Variants in SLF1 observed in about 807,000 individuals in gnomAD.
SLF1 encodes the protein SMC5-SMC6 complex localization factor protein 1.
A neutral mutation model predicts 123.0 loss-of-function variants in SLF1; 105 were observed. That is an observed-to-expected ratio of 0.85 (90% CI 0.73 to 1.00). SLF1 has a LOEUF of 1.00. Among genes scored for constraint, SLF1 ranks in the 50% least tolerant of loss-of-function variants. The probability of loss-of-function intolerance (pLI) is 0.00; values close to 1 mark genes in which losing one functional copy is unlikely to be tolerated. For synonymous variants in SLF1, 434 were observed against 406.6 expected (o/e 1.07, Z -0.81); for missense variants, 1,239 against 1,223.0 (o/e 1.01, Z -0.20).
At chr5:94,621,278 CTT>C (rs1013031365) in intron 1 of SLF1, among the ~76,000 whole-genome samples, 5 of 152,150 alleles carry the variant, frequency 3.3e-5, no homozygotes, top group African/African-American at 4.8e-5. Context: ...TGCAGAAAGA[CTT>C]ATATGTGCAT....
At chr5:94,634,511 CTCTT>C (rs1475328344) in intron 4 of SLF1, among the ~76,000 whole-genome samples, 1 of 152,040 alleles carries the variant, frequency 6.6e-6, no homozygotes, top group Non-Finnish European at 1.5e-5. Context: ...CATAATTTCT[CTCTT>C]TCTAAAGTCT....
intron 14 of SLF1, among the ~76,000 whole-genome samples, chr5:94,677,924 C>CTT (rs5869635): frequency 6.9e-6 from 1 of 145,258 alleles, no homozygotes. Flanking sequence ...AAATGATATA[C>CTT]TTTTTTTTTT....
At chr5:94,661,661 A>G (rs1323623103) in intron 9 of SLF1, among the ~76,000 whole-genome samples, 3 of 151,416 alleles carry the variant, frequency 2.0e-5, no homozygotes, top group African/African-American at 7.3e-5. Flanking sequence ...CAGCCTCCTG[A>G]GAGTAGCTAG....
intron 20 of SLF1, among the ~76,000 whole-genome samples, chr5:94,693,257 G>A (rs1753228280): frequency 6.6e-6 from 1 of 151,934 alleles, no homozygotes; most frequent in Non-Finnish European, 1.5e-5. Context: ...CTGTTTTACT[G>A]ATATCATTTC....
At chr5:94,684,515 G>T (rs532783593) in intron 15 of SLF1, among the ~76,000 whole-genome samples, 42 of 151,948 alleles carry the variant, frequency 2.8e-4, no homozygotes, top group Non-Finnish European at 5.3e-4. Context: ...TGGCTAACAC[G>T]GTGAAACCCT....
At chr5:94,673,153 T>C (rs55974730) in intron 14 of SLF1, among the ~76,000 whole-genome samples, 38,143 of 151,920 alleles carry the variant, frequency 0.25, 5,134 homozygotes, top group Non-Finnish European at 0.29. Flanking sequence ...TGACTTTTTT[T>C]TTTTTTAATC....
At chr5:94,622,549 C>T (rs1364327919) in intron 1 of SLF1, among the ~76,000 whole-genome samples, 4 of 152,016 alleles carry the variant, frequency 2.6e-5, no homozygotes, top group Non-Finnish European at 5.9e-5. Context: ...ACCTAAAAGT[C>T]AACATCCCTC....
At chr5:94,655,029 T>C (rs987153242) in intron 9 of SLF1, among the ~76,000 whole-genome samples, 3 of 152,156 alleles carry the variant, frequency 2.0e-5, no homozygotes, top group African/African-American at 7.2e-5. Flanking sequence ...TGCCCCGAAG[T>C]GTTTCCCCTG....
chr5:94,672,786 G>T (rs887851891), intron 14 of SLF1, among the ~76,000 whole-genome samples: 1 of 151,934 alleles, frequency 6.6e-6, no homozygotes, highest in Non-Finnish European at 1.5e-5. Context: ...GTCTTTATGG[G>T]TCTGTTTCTG....
chr5:94,688,566 G>A lies in SLF1; in HGVS notation c.2182G>A (p.Val728Met), dbSNP rs961244105. Residue 728 changes from valine to methionine, a missense_variant, in exon 17 of 21, where the codon GTG (valine) becomes ATG (methionine). By Grantham distance (21) the Val-to-Met change is conservative. Transcript: ENST00000265140. Reference protein sequence around the residue: ...TGVLGSGKIQVSKKIGQRPCF... With the variant: ...TGVLGSGKIQMSKKIGQRPCF... ...TGTGCTTGGGTCTGGAAAGATTCAG[G>A]TGTCAAAGAAAATAGGACAGCGGCC... 2.5e-6 allele frequency: 4 copies of A among 1,614,030 alleles called. No homozygotes were observed. The highest frequency in any genetic ancestry group is 2.5e-6 in the Non-Finnish European group (3 of 1,179,958).
intron 15 of SLF1, 47 bp from the exon 16 acceptor site, chr5:94,686,526 G>A: frequency 6.3e-7 from 1 of 1,591,658 alleles, no homozygotes; most frequent in South Asian, 1.1e-5. Flanking sequence ...GGAAAAAATT[G>A]TATAGGATAC....
chr5:94,685,332 G>A (rs1175017562), intron 15 of SLF1, among the ~76,000 whole-genome samples: 3 of 151,972 alleles, frequency 2.0e-5, no homozygotes, highest in Non-Finnish European at 2.9e-5. Flanking sequence ...TGTTTATTAT[G>A]TTTACTTTGC....
chr5:94,679,018 TA>T (rs1751442648), intron 15 of SLF1, 63 bp downstream of exon 15: 2 of 1,573,316 alleles, frequency 1.3e-6, no homozygotes, highest in Non-Finnish European at 1.7e-6. Context: ...GAATTTCTTT[TA>T]AGCAGTCTGT....
At position 94,689,591 on chromosome 5, in the gene SLF1, A is replaced by C; in HGVS notation, c.2404A>C (p.Lys802Gln). ...PSVVKKMNFH[K>Q]TNLKGETALH... The stretch of plus-strand genomic sequence containing the variant: ...TGTAGTTAAAAAGATGAATTTTCAC[A>C]AGACTAATCTAAAAGGTATTCCAAG... Residue 802 changes from lysine (K) to glutamine (Q), a missense_variant, in exon 18 of 21, where the codon AAG (lysine) becomes CAG (glutamine). Lys to Gln is a moderately conservative substitution (Grantham distance 53, BLOSUM62 1). Coordinates refer to ENST00000265140, the MANE Select transcript of SLF1 (RefSeq NM_032290.4). The C allele has an allele frequency of 4.4e-6, 7 of 1,609,106 alleles. No individual in the cohort carries two copies. The highest frequency in any genetic ancestry group is 5.9e-6 in the Non-Finnish European group (7 of 1,176,536).
At chr5:94,628,672 T>A (rs563309607) in intron 1 of SLF1, 139 bp from the exon 2 acceptor site, 1 of 492,464 alleles carries the variant, frequency 2.0e-6, no homozygotes, top group Non-Finnish European at 3.5e-6. Flanking sequence ...AATATTGTTT[T>A]AACAGCTGTG....
intron 15 of SLF1, among the ~76,000 whole-genome samples, chr5:94,681,151 A>G (rs1305981407): frequency 2.0e-5 from 3 of 151,866 alleles, no homozygotes; most frequent in Non-Finnish European, 4.4e-5. Flanking sequence ...TTTTTTTGAG[A>G]CAGAGTCTTA....
At chr5:94,670,380 C>A in intron 13 of SLF1, 101 bp downstream of exon 13, 1 of 962,898 alleles carries the variant, frequency 1.0e-6, no homozygotes. Flanking sequence ...AAAAAGTCAC[C>A]TTATTTTCTA....
At chr5:94,663,620 G>T (rs1208519477) in intron 10 of SLF1, 130 bp from the exon 11 acceptor site, 2 of 831,118 alleles carry the variant, frequency 2.4e-6, no homozygotes, top group Non-Finnish European at 3.6e-6. Flanking sequence ...ATTCCAGCCT[G>T]GGTAACAGAG....
chr5:94,678,924 C>G lies in SLF1; in HGVS notation c.1944C>G (p.Asp648Glu). The change falls in exon 15 of 21, where the codon GAC becomes GAG. Residue 648 changes from aspartate to glutamate, a missense_variant. Asp to Glu is a conservative substitution (Grantham distance 45). Transcript: ENST00000265140. ...ATGTGATGCGACACATGTCTGATGA[C>G]TTAGGAAGTTATGTTTCTCTTTCGT... ...GRNVMRHMSDDLGSYVSLSCD... is the reference protein window; with the variant it reads ...GRNVMRHMSDELGSYVSLSCD... 1 of 1,613,256 alleles carries G rather than the reference C, an allele frequency of 6.2e-7. No homozygotes were observed. The highest frequency in any genetic ancestry group is 8.5e-7 in the Non-Finnish European group (1 of 1,179,584).
Sources: gnomAD v4.1 joint callset for allele counts (sites outside exome capture counted in the v4.1 genomes callset) on GRCh38, gnomAD v4.1.1 for gene constraint, MANE v1.5 for transcripts, NCBI Gene and HGNC (gene_info 2026-07-23, HGNC 2026-07-21) for gene names.